ZNF131: variants seen among roughly 807,000 people sequenced by gnomAD.
ZNF131 encodes zinc finger protein 131.
In ZNF131, 7 loss-of-function variants were observed where a neutral mutation model predicts 60.0. The ratio of observed to expected loss-of-function variants is 0.12; its 90% CI spans 0.07 to 0.22. The LOEUF is 0.22. Ranked by LOEUF, ZNF131 falls within the 10% of genes least tolerant of loss-of-function variation. The pLI, the probability that ZNF131 is intolerant of heterozygous loss-of-function variation, is 1.00. For missense variants in ZNF131, 493 were observed against 740.9 expected (o/e 0.67, Z 3.88); for synonymous variants, 257 against 253.2 (o/e 1.01, Z -0.14).
intron 4 of ZNF131, among the ~76,000 whole-genome samples, chr5:43,159,846 T>C (rs377440643): frequency 1.3e-5 from 2 of 152,218 alleles, no homozygotes; most frequent in African/African-American, 2.4e-5. Flanking sequence ...TTTGCTGTTA[T>C]GATTTCTGCC....
intron 2 of ZNF131, among the ~76,000 whole-genome samples, 158 bp downstream of exon 2, chr5:43,122,335 T>G (rs1743971797): frequency 6.6e-6 from 1 of 151,602 alleles, no homozygotes; most frequent in Admixed American, 6.6e-5. Context: ...AGATTGCACT[T>G]GTCAGTGTCC....
chr5:43,152,084 C>T (rs1479012077), intron 4 of ZNF131, among the ~76,000 whole-genome samples: 2 of 152,070 alleles, frequency 1.3e-5, no homozygotes, highest in Non-Finnish European at 2.9e-5. Context: ...TGGCTCACTG[C>T]CTCTACCTCC....
chr5:43,148,642 A>G (rs1343457440), intron 4 of ZNF131, among the ~76,000 whole-genome samples: 1 of 152,266 alleles, frequency 6.6e-6, no homozygotes, highest in Non-Finnish European at 1.5e-5. Flanking sequence ...AAACGTTGAC[A>G]TAAAACATGC....
chr5:43,144,369 T>C (rs1244589181), intron 4 of ZNF131, among the ~76,000 whole-genome samples: 2 of 145,702 alleles, frequency 1.4e-5, no homozygotes, highest in African/African-American at 2.5e-5. Context: ...GCTGGGATTA[T>C]AGGCGCTCAC....
rs1180352622 is a variant in ZNF131 at position 43,176,073 on chromosome 5, A to G, written c.*940A>G. The G allele has an allele frequency of 2.6e-5, 4 of 152,240 alleles. No homozygotes were observed. The highest frequency in any genetic ancestry group is 7.2e-5 in the African/African-American group (3 of 41,468). 9.4% of individuals were successfully genotyped at this position (152,240 alleles called of 1,614,324 possible). On this transcript the variant is annotated 3_prime_UTR_variant, in exon 7 of 7. Coordinates refer to ENST00000682664, the MANE Select transcript of ZNF131 (RefSeq NM_001330707.2). ...ATAAAGTACAGAGAAAGACATGTAT[A>G]TAATTATCAGGCTTTGTTTTGAATG...
In ZNF131 at chr5:43,122,485, T is replaced by C. The variant is rs560584521; in HGVS notation, c.124+308T>C. 1.5e-3 allele frequency among the ~76,000 whole-genome samples: 221 copies of C among 152,294 alleles called. 1 individual carries two copies. The highest frequency in any genetic ancestry group is 5.2e-3 in the African/African-American group (215 of 41,564). ...GACAGATTGTCTCAAAATGTTTGGT[T>C]GATAGCCTCTTGTTGGTAAGCTTTG... On this transcript the variant is annotated intron_variant, in intron 2 of 6. Coordinates refer to ENST00000682664, the MANE Select transcript of ZNF131 (RefSeq NM_001330707.2).
intron 4 of ZNF131, among the ~76,000 whole-genome samples, chr5:43,150,899 G>A (rs980416735): frequency 3.3e-5 from 5 of 152,178 alleles, no homozygotes; most frequent in African/African-American, 7.2e-5. Flanking sequence ...GCACCCTGCC[G>A]TGTTGACCTT....
rs1029486730 is a variant in ZNF131, at chr5:43,122,186, G to T, written c.124+9G>T. 3 of 1,611,664 alleles carry T rather than the reference G, an allele frequency of 1.9e-6. No individual in the cohort carries two copies. The highest frequency in any genetic ancestry group is 2.5e-6 in the Non-Finnish European group (3 of 1,179,210). On this transcript the variant is annotated intron_variant, in intron 2 of 6. Coordinates refer to ENST00000682664, the MANE Select transcript of ZNF131 (RefSeq NM_001330707.2). ...CACCCTAATTGTCGACGGTGGGTAG[G>T]GCAGTGGGCAGAGGAGCGAATTTTT...
At chr5:43,140,222 T>C (rs1746636678) in intron 4 of ZNF131, among the ~76,000 whole-genome samples, 1 of 152,144 alleles carries the variant, frequency 6.6e-6, no homozygotes, top group Non-Finnish European at 1.5e-5. Context: ...TGAGACCCTG[T>C]TTTTTTAAAA....
At chr5:43,173,525 A>C in intron 6 of ZNF131, 77 bp downstream of exon 6, 1 of 1,529,146 alleles carries the variant, frequency 6.5e-7, no homozygotes, top group African/African-American at 1.4e-5. Flanking sequence ...AGGGAAACAG[A>C]GTCTCAAGCA....
intron 4 of ZNF131, among the ~76,000 whole-genome samples, chr5:43,146,634 C>T (rs779617339): frequency 5.9e-5 from 9 of 152,170 alleles, no homozygotes; most frequent in Non-Finnish European, 1.2e-4. Context: ...GAGTCGGGCG[C>T]AGTGGTTCAT....
intron 5 of ZNF131, among the ~76,000 whole-genome samples, chr5:43,165,947 G>C (rs1344019627): frequency 6.6e-6 from 1 of 152,212 alleles, no homozygotes; most frequent in South Asian, 2.1e-4. Flanking sequence ...TTCTGCACCA[G>C]CATGTGCTGC....
intron 5 of ZNF131, among the ~76,000 whole-genome samples, chr5:43,170,894 C>T (rs909781840): frequency 4.0e-5 from 6 of 151,460 alleles, no homozygotes; most frequent in African/African-American, 1.5e-4. Flanking sequence ...CTCAGTCTCC[C>T]AAAGTGCTGG....
intron 4 of ZNF131, among the ~76,000 whole-genome samples, chr5:43,155,288 A>AC (rs1748818526): frequency 6.6e-6 from 1 of 152,246 alleles, no homozygotes; most frequent in South Asian, 2.1e-4. Context: ...GAGTTTACTC[A>AC]CCCCCAAATG....
intron 3 of ZNF131, among the ~76,000 whole-genome samples, chr5:43,132,945 T>C (rs1013018220): frequency 2.6e-5 from 4 of 152,232 alleles, no homozygotes; most frequent in African/African-American, 9.6e-5. Context: ...TTTTTGTGAA[T>C]TGCAGTTTTA....
chr5:43,165,787 G>A (rs568909432), intron 5 of ZNF131, among the ~76,000 whole-genome samples: 1 of 152,246 alleles, frequency 6.6e-6, no homozygotes, highest in African/African-American at 2.4e-5. Context: ...TTAAAGCTTT[G>A]AAGCCAGTCA....
At chr5:43,134,650 G>A (rs10076858) in intron 3 of ZNF131, among the ~76,000 whole-genome samples, 106,534 of 149,408 alleles carry the variant, frequency 0.71, 38,301 homozygotes, top group Middle Eastern at 0.85. Context: ...AAAGTTGCAG[G>A]ATACAAAATC....
intron 5 of ZNF131, among the ~76,000 whole-genome samples, chr5:43,171,739 C>T (rs1006782362): frequency 2.0e-5 from 3 of 152,164 alleles, no homozygotes; most frequent in Admixed American, 6.5e-5. Flanking sequence ...TCTGTCTCAG[C>T]CTCCCAGGTA....
chr5:43,121,870 C>A, intron 1 of ZNF131, 169 bp from the exon 2 acceptor site: 1 of 697,952 alleles, frequency 1.4e-6, no homozygotes, highest in African/African-American at 1.9e-5. Flanking sequence ...GGTCTCAACG[C>A]TCCGGGGCCG....
Sources: allele counts gnomAD v4.1 joint callset (sites outside exome capture counted in the v4.1 genomes callset), GRCh38; gene constraint gnomAD v4.1.1; transcripts MANE v1.5; gene names NCBI Gene and HGNC (gene_info 2026-07-23, HGNC 2026-07-21).